SGCZ: variants seen among roughly 807,000 people sequenced by gnomAD.
The protein encoded by SGCZ is sarcoglycan zeta, also known as zeta-sarcoglycan.
Under a neutral mutation model 41.3 loss-of-function variants are expected in SGCZ, and 40 were observed. That is an observed-to-expected ratio of 0.97 (90% CI 0.75 to 1.26). The LOEUF (loss-of-function observed/expected upper bound fraction) is 1.26, where lower values mean the gene tolerates loss of function less well. Among genes scored for constraint, SGCZ ranks in the 50% most tolerant of loss-of-function variants. The pLI is 0.00. For missense variants in SGCZ, 552 were observed against 369.8 expected, an observed-to-expected ratio of 1.49 and a Z score of -4.04; for synonymous variants, 206 against 137.5, an observed-to-expected ratio of 1.50 and a Z score of -3.49.
At chr8:14,374,837 A>T (rs947320337) in intron 2 of SGCZ, among the ~76,000 whole-genome samples, 1 of 152,204 alleles carries the variant, frequency 6.6e-6, no homozygotes, top group African/African-American at 2.4e-5. Flanking sequence ...TGGAGTCCTG[A>T]GGGCTGAAAA....
chr8:15,178,462 T>C (rs56761692), intron 1 of SGCZ, among the ~76,000 whole-genome samples: 1 of 152,288 alleles, frequency 6.6e-6, no homozygotes, highest in African/African-American at 2.4e-5. Context: ...TTCAAATACA[T>C]AGTAAAATGC....
intron 1 of SGCZ, among the ~76,000 whole-genome samples, chr8:14,915,593 T>A (rs1799411086): frequency 6.6e-6 from 1 of 152,108 alleles, no homozygotes; most frequent in Non-Finnish European, 1.5e-5. Context: ...ATGGCACCGA[T>A]CAACTGGAAA....
intron 3 of SGCZ, among the ~76,000 whole-genome samples, chr8:14,322,042 C>T (rs1801933805): frequency 6.6e-6 from 1 of 152,100 alleles, no homozygotes; most frequent in African/African-American, 2.4e-5. Context: ...TTATAAAATA[C>T]ATTTTTCTCT....
intron 3 of SGCZ, among the ~76,000 whole-genome samples, chr8:14,318,805 C>G (rs1801813013): frequency 6.6e-6 from 1 of 151,848 alleles, no homozygotes; most frequent in African/African-American, 2.4e-5. Context: ...AATAATCAAA[C>G]TAAGTAAGTG....
chr8:14,847,585 A>G (rs780963807), intron 1 of SGCZ, among the ~76,000 whole-genome samples: 20 of 151,492 alleles, frequency 1.3e-4, no homozygotes, highest in Non-Finnish European at 2.5e-4. Context: ...TTCTATTAAA[A>G]ATTATCAGAA....
At chr8:15,160,420 G>A (rs1025798909) in intron 1 of SGCZ, among the ~76,000 whole-genome samples, 6 of 152,122 alleles carry the variant, frequency 3.9e-5, no homozygotes, top group Non-Finnish European at 8.8e-5. Flanking sequence ...CCACCTTTGG[G>A]CTACTGTGAA....
rs191777353 is a variant in SGCZ, at chr8:14,193,184, T to C, written c.425-28482A>G. On this transcript the variant is annotated intron_variant, in intron 4 of 7. Coordinates refer to ENST00000382080, the MANE Select transcript of SGCZ (RefSeq NM_139167.4). ...TGAAATTTAAAATCATAAGCTACAC[T>C]ACAGAAACATCCATTTTACTCCTGC... Among the ~76,000 whole-genome samples the C allele has an allele frequency of 4.5e-3, 678 of 152,004 alleles. 4 individuals are homozygous for C. The highest frequency in any genetic ancestry group is 6.6e-3 in the Admixed American group (101 of 15,264).
chr8:15,124,522 T>C (rs1807605382), intron 1 of SGCZ, among the ~76,000 whole-genome samples: 1 of 152,136 alleles, frequency 6.6e-6, no homozygotes, highest in African/African-American at 2.4e-5. Context: ...ATGGCTTAAT[T>C]CTAAATAGAA....
chr8:14,857,276 C>T (rs1484885782), intron 1 of SGCZ, among the ~76,000 whole-genome samples: 2 of 152,120 alleles, frequency 1.3e-5, no homozygotes, highest in Non-Finnish European at 2.9e-5. Context: ...TACTGAACCT[C>T]ACTTAAACCT....
intron 1 of SGCZ, among the ~76,000 whole-genome samples, chr8:14,595,851 C>T (rs1017990655): frequency 1.3e-5 from 2 of 152,002 alleles, no homozygotes; most frequent in African/African-American, 4.8e-5. Flanking sequence ...GCAGCTGTGT[C>T]ATGTGAACAC....
intron 2 of SGCZ, among the ~76,000 whole-genome samples, chr8:14,478,556 C>G (rs1801428745): frequency 6.6e-6 from 1 of 151,710 alleles, no homozygotes. Context: ...TAGGTGGAGC[C>G]CAGACGATTT....
intron 2 of SGCZ, among the ~76,000 whole-genome samples, chr8:14,407,305 G>C (rs1038425198): frequency 6.6e-6 from 1 of 151,934 alleles, no homozygotes; most frequent in Admixed American, 6.6e-5. Flanking sequence ...TTGACCTCAA[G>C]CGATCCAAGG....
chr8:15,068,206 T>C (rs555814875), intron 1 of SGCZ, among the ~76,000 whole-genome samples: 34 of 152,328 alleles, frequency 2.2e-4, no homozygotes, highest in Admixed American at 3.3e-4. Flanking sequence ...TAACGTACCA[T>C]TTTGTGGTAA....
At position 14,873,710 on chromosome 8, in the gene SGCZ, T is replaced by A. The variant is rs140966877; in HGVS notation, c.40-318784A>T. ...TCAACTCTCATTGGAAGTCCATGAGTAACCCCAGCTCCTTCCACTGATTTT... is the reference window on the plus strand; with the variant it reads ...TCAACTCTCATTGGAAGTCCATGAGAAACCCCAGCTCCTTCCACTGATTTT... On this transcript the variant is annotated intron_variant, in intron 1 of 7. Transcript: ENST00000382080. Among the ~76,000 whole-genome samples the A allele has an allele frequency of 2.8e-3, 420 of 152,244 alleles. 2 individuals carry two copies. The highest frequency in any genetic ancestry group is 9.7e-3 in the African/African-American group (402 of 41,566).
intron 1 of SGCZ, among the ~76,000 whole-genome samples, chr8:14,958,636 G>C (rs1165208852): frequency 6.6e-6 from 1 of 152,054 alleles, no homozygotes; most frequent in Non-Finnish European, 1.5e-5. Flanking sequence ...ATAGGAGTTT[G>C]AGTAATACTA....
intron 2 of SGCZ, among the ~76,000 whole-genome samples, chr8:14,453,596 T>C (rs1453576940): frequency 6.6e-6 from 1 of 152,110 alleles, no homozygotes; most frequent in African/African-American, 2.4e-5. Context: ...TGATTGAAGG[T>C]GGTAACAGAA....
intron 2 of SGCZ, among the ~76,000 whole-genome samples, chr8:14,470,281 G>A (rs1210623508): frequency 6.6e-6 from 1 of 152,106 alleles, no homozygotes; most frequent in Admixed American, 6.6e-5. Flanking sequence ...TGCACACAAT[G>A]AGGTTATTTC....
chr8:14,987,979 C>T (rs1445595828), intron 1 of SGCZ, among the ~76,000 whole-genome samples: 1 of 151,884 alleles, frequency 6.6e-6, no homozygotes. Flanking sequence ...AATTTAATTA[C>T]AATAATCACT....
intron 3 of SGCZ, among the ~76,000 whole-genome samples, chr8:14,269,770 G>C (rs1372349831): frequency 1.3e-5 from 2 of 152,106 alleles, no homozygotes; most frequent in East Asian, 3.9e-4. Context: ...TCAACTGATT[G>C]GGGACACTGC....
Sources: allele counts gnomAD v4.1 joint callset (sites outside exome capture counted in the v4.1 genomes callset), GRCh38; gene constraint gnomAD v4.1.1; transcripts MANE v1.5; gene names NCBI Gene and HGNC (gene_info 2026-07-23, HGNC 2026-07-21).